The following LRFN1 variants were observed in gnomAD, a reference collection of about 807,000 sequenced individuals.
LRFN1 encodes leucine rich repeat and fibronectin type III domain containing 1, also known as leucine-rich repeat and fibronectin type III domain-containing protein 1.
A neutral mutation model predicts 31.8 loss-of-function variants in LRFN1; 20 were observed. That is an observed-to-expected ratio of 0.63 (90% CI 0.44 to 0.91). The LOEUF is 0.91. Ranked by LOEUF, LRFN1 falls within the 40% of genes least tolerant of loss-of-function variation. The pLI, the probability that LRFN1 is intolerant of heterozygous loss-of-function variation, is 0.00. For synonymous variants in LRFN1, 514 were observed against 541.3 expected (o/e 0.95, Z 0.70); for missense variants, 912 against 1,129.8 (o/e 0.81, Z 2.76).
chr19:39,307,903 C>A lies in LRFN1; in HGVS notation c.2046G>T (p.Ser682=). The change falls in exon 5 of 5, where the codon TCG becomes TCT. Residue 682 remains serine, a synonymous_variant. Transcript: ENST00000248668. The surrounding 1 kb of genome is among the most constrained non-coding windows in gnomAD (Gnocchi z 6.7). ...SRSGALEPPT[S]APPTLALVPG... ...GAACTAGAGCTAGAGTAGGGGGCGCCGAGGTTGGTGGCTCCAGGGCGCCGG... is the reference window on the plus strand; with the variant it reads ...GAACTAGAGCTAGAGTAGGGGGCGCAGAGGTTGGTGGCTCCAGGGCGCCGG... 1 of 1,565,768 alleles carries A rather than the reference C, an allele frequency of 6.4e-7. No homozygotes were observed. Among genetic ancestry groups the A allele is most frequent in the African/African-American group, 1.4e-5 (1 of 72,770 alleles).
At position 39,314,623 on chromosome 19, in the gene LRFN1, C is replaced by G; in HGVS notation, c.714G>C (p.Gly238=). 1 of 1,610,042 alleles carries G rather than the reference C, an allele frequency of 6.2e-7. No individual in the cohort carries two copies. The highest frequency in any genetic ancestry group is 1.1e-5 in the South Asian group (1 of 90,646). Residue 238 remains glycine (G), a synonymous_variant, in exon 4 of 5, where the codon GGG becomes GGC. Coordinates refer to ENST00000248668, the MANE Select transcript of LRFN1 (RefSeq NM_020862.2). ...DGLFLRSQGT[G]PKPPTPLTVS... The stretch of plus-strand genomic sequence containing the variant: ...CGGTCAGCGGGGTGGGCGGCTTGGG[C>G]CCGGTGCCCTGCGACCTCAGGAAGA...
chr19:39,314,872 C>A lies in LRFN1; in HGVS notation c.465G>T (p.Ala155=). Residue 155 remains alanine, a synonymous_variant, in exon 4 of 5, where the codon GCG becomes GCT. Coordinates refer to ENST00000248668, the MANE Select transcript of LRFN1 (RefSeq NM_020862.2). ...GNNQIRRVES[A]AFDAFLSTVE... The stretch of plus-strand genomic sequence containing the variant: ...CGGTGGACAGGAAGGCGTCAAAGGC[C>A]GCCGACTCCACCCGGCGGATCTGGT... The A allele has an allele frequency of 1.9e-6, 3 of 1,610,114 alleles. No homozygotes were observed. The highest frequency in any genetic ancestry group is 2.5e-6 in the Non-Finnish European group (3 of 1,178,290).
Position 39,314,129 on chromosome 19 carries a change from A to C in LRFN1, c.1208T>G (p.Leu403Arg). The C allele has an allele frequency of 6.2e-7, 1 of 1,612,132 alleles. No individual in the cohort carries two copies. Residue 403 changes from leucine (L) to arginine (R), a missense_variant, in exon 4 of 5, where the codon CTC becomes CGC. Coordinates refer to ENST00000248668, the MANE Select transcript of LRFN1 (RefSeq NM_020862.2). ...GATGTCAGAGGAGCCGGGCTCGGTGAGAGGCGGCGGGGCAGCCGGCGGGGG... is the reference window on the plus strand; with the variant it reads ...GATGTCAGAGGAGCCGGGCTCGGTGCGAGGCGGCGGGGCAGCCGGCGGGGG... ...MAPPPAAPPP[L>R]TEPGSSDIAT... is the part of the protein sequence containing the mutation.
Position 39,315,345 on chromosome 19 carries a change from G to T in LRFN1, c.-9C>A. On this transcript the variant is annotated 5_prime_UTR_variant, in exon 4 of 5. Transcript: ENST00000248668. This position sits in a 1 kb window ranked among gnomAD's most constrained non-coding sequence, Gnocchi z 4.7. ...AAGGGTCCTGGAGCCATGGTGCAGT[G>T]GGAAGGCAGGAGGGGTGGGAGGTGA... 6.9e-7 allele frequency: 1 copy of T among 1,447,014 alleles called. No individual in the cohort carries two copies. Among genetic ancestry groups the T allele is most frequent in the East Asian group, 2.5e-5 (1 of 40,366 alleles). The allele number at this position is 1,447,014 out of a possible 1,614,324, so 89.6% of individuals were successfully genotyped here. A position where few individuals can be genotyped will look rare whatever the true frequency, so the allele number is the denominator to read the frequency against.
At position 39,315,732 on chromosome 19, in the gene LRFN1, T is replaced by C. The variant is rs1007081786; in HGVS notation, c.-38+350A>G. On this transcript the variant is annotated intron_variant, in intron 3 of 4. Transcript: ENST00000248668. This position sits in a 1 kb window ranked among gnomAD's most constrained non-coding sequence, Gnocchi z 4.7. ...TACTTGGGAGGCTGAAGCACGAGAA[T>C]CGCTTGAACCAGGGAGGTGGAGGTT... 2.6e-5 allele frequency among the ~76,000 whole-genome samples: 4 copies of C among 152,112 alleles called. No individual in the cohort carries two copies. The highest frequency in any genetic ancestry group is 5.9e-5 in the Non-Finnish European group (4 of 68,028).
In LRFN1 at chr19:39,308,313, C is replaced by T. The variant is rs1451897895; in HGVS notation, c.1636G>A (p.Ala546Thr). The T allele has an allele frequency of 6.2e-7, 1 of 1,613,298 alleles. No homozygotes were observed. Among genetic ancestry groups the T allele is most frequent in the Non-Finnish European group, 8.5e-7 (1 of 1,179,676 alleles). ...MIIAIGGVIV[A>T]SVLVFIVLLM... ...AGAACGATGAAGACGAGGACCGAGG[C>T]GACGATGACGCCCCCGATGGCGATG... is the stretch of plus-strand genomic sequence containing the variant. The change falls in exon 5 of 5, where the codon GCC (alanine) becomes ACC (threonine). Residue 546 changes from alanine (A) to threonine (T), a missense_variant. Physicochemically the swap from Ala to Thr is moderately conservative, Grantham distance 58. Coordinates refer to ENST00000248668, the MANE Select transcript of LRFN1 (RefSeq NM_020862.2). The surrounding 1 kb of genome is among the most constrained non-coding windows in gnomAD (Gnocchi z 6.2).
chr19:39,318,748 C>A (rs572100298), intron 1 of LRFN1, among the ~76,000 whole-genome samples: 1 of 152,310 alleles, frequency 6.6e-6, no homozygotes, highest in Admixed American at 6.5e-5. Flanking sequence ...TGGGGAAGGG[C>A]CAAAGTTTCC....
chr19:39,313,835 C>T (rs1388005779), intron 4 of LRFN1, 96 bp downstream of exon 4: 6 of 1,195,052 alleles, frequency 5.0e-6, no homozygotes, highest in Non-Finnish European at 2.3e-6. Flanking sequence ...CATCTAGAAC[C>T]CTGGCTGAGC....
At position 39,307,375 on chromosome 19, in the gene LRFN1, G is replaced by T; in HGVS notation, c.*258C>A. 1 of 407,820 alleles carries T rather than the reference G, an allele frequency of 2.5e-6. No individual in the cohort carries two copies. Among genetic ancestry groups the T allele is most frequent in the South Asian group, 1.0e-4 (1 of 9,630 alleles). 25.3% of individuals were successfully genotyped at this position (407,820 alleles called of 1,614,324 possible). A position where few individuals can be genotyped will look rare whatever the true frequency, so the allele number is the denominator to read the frequency against. Reference sequence around the variant, plus strand: ...GCTCCAGCGAGGTCCGCGAGCGCGCGAGGGGAGGGGTAGGAGGGGGGTCGA... The same window carrying T: ...GCTCCAGCGAGGTCCGCGAGCGCGCTAGGGGAGGGGTAGGAGGGGGGTCGA... On this transcript the variant is annotated 3_prime_UTR_variant, in exon 5 of 5. Transcript: ENST00000248668. This position sits in a 1 kb window ranked among gnomAD's most constrained non-coding sequence, Gnocchi z 6.7.
Position 39,308,091 on chromosome 19 carries a change from C to T in LRFN1, c.1858G>A (p.Ala620Thr), listed in dbSNP as rs1363116185. 15 of 1,495,790 alleles carry T rather than the reference C, an allele frequency of 1.0e-5. No homozygotes were observed. The highest frequency in any genetic ancestry group is 1.3e-5 in the South Asian group (1 of 74,148). The allele number at this position is 1,495,790 out of a possible 1,614,324, so 92.7% of individuals were successfully genotyped here. A position where few individuals can be genotyped will look rare whatever the true frequency, so the allele number is the denominator to read the frequency against. Residue 620 changes from alanine (A) to threonine (T), a missense_variant, in exon 5 of 5, where the codon GCC (alanine) becomes ACC (threonine). By Grantham distance (58) the Ala-to-Thr change is moderately conservative. Transcript: ENST00000248668. The surrounding 1 kb of genome is among the most constrained non-coding windows in gnomAD (Gnocchi z 6.2). ...GCCTCCATGGCCTTGGCCTCGACGG[C>T]GACGGCGGGGGCAGCCTGGGACTCC... ...EVESQAAPAV[A>T]VEAKAMEAET...
At chr19:39,313,447 C>A (rs2075157890) in intron 4 of LRFN1, among the ~76,000 whole-genome samples, 1 of 152,194 alleles carries the variant, frequency 6.6e-6, no homozygotes, top group African/African-American at 2.4e-5. Context: ...ACGAGATTCG[C>A]TTGAACCCGG....
chr19:39,312,474 T>C (rs2075153981), intron 4 of LRFN1, among the ~76,000 whole-genome samples: 1 of 151,958 alleles, frequency 6.6e-6, no homozygotes, highest in African/African-American at 2.4e-5. Context: ...GTGCCTACTG[T>C]GTGACAATTC....
intron 2 of LRFN1, among the ~76,000 whole-genome samples, chr19:39,317,556 A>ATT (rs2075175759): frequency 6.6e-6 from 1 of 152,120 alleles, no homozygotes; most frequent in Admixed American, 6.6e-5. Flanking sequence ...TAGCAATGGA[A>ATT]ATAGCTAACA....
In LRFN1 at chr19:39,314,935, G is replaced by A. The variant is rs1302074791; in HGVS notation, c.402C>T (p.Arg134=). 7 of 1,604,610 alleles carry A rather than the reference G, an allele frequency of 4.4e-6. No individual in the cohort carries two copies. The highest frequency in any genetic ancestry group is 5.9e-6 in the Non-Finnish European group (7 of 1,177,444). ...RLAEVRGDQL[R]GLGNLRHLIL... Reference sequence around the variant, plus strand: ...TCAGGTGGCGGAGGTTGCCCAGGCCGCGGAGCTGGTCGCCGCGCACCTCCG... The same window carrying A: ...TCAGGTGGCGGAGGTTGCCCAGGCCACGGAGCTGGTCGCCGCGCACCTCCG... The change falls in exon 4 of 5, where the codon CGC becomes CGT. Residue 134 remains arginine (R), a synonymous_variant. Coordinates refer to ENST00000248668, the MANE Select transcript of LRFN1 (RefSeq NM_020862.2).
In LRFN1 at chr19:39,307,642, A is replaced by T. The variant is rs1259849165; in HGVS notation, c.2307T>A (p.Ser769Arg). ...GGCGCCCGCCCGCCGCTCACACGGT[A>T]CTCTCCAGCATCCACTCGGTGCTGG... ...AFTSTEWMLE[S>R]TV The change falls in exon 5 of 5, where the codon AGT (serine) becomes AGA (arginine). Residue 769 changes from serine to arginine, a missense_variant. By Grantham distance (110) the Ser-to-Arg change is moderately radical. This residue lies in a region of LRFN1 where 511 missense variants were observed against 557.0 expected (regional missense o/e 0.92). Transcript: ENST00000248668. The surrounding 1 kb of genome is among the most constrained non-coding windows in gnomAD (Gnocchi z 6.7). The T allele has an allele frequency of 7.0e-7, 1 of 1,433,494 alleles. No homozygotes were observed. 88.8% of individuals were successfully genotyped at this position (1,433,494 alleles called of 1,614,324 possible).
At chr19:39,309,274 G>A (rs2145029510) in intron 4 of LRFN1, among the ~76,000 whole-genome samples, 1 of 152,024 alleles carries the variant, frequency 6.6e-6, no homozygotes, top group South Asian at 2.1e-4. Flanking sequence ...TGGCCAACAT[G>A]GTAACCCTGT....
At position 39,307,473 on chromosome 19, in the gene LRFN1, G is replaced by T; in HGVS notation, c.*160C>A. 1 of 789,212 alleles carries T rather than the reference G, an allele frequency of 1.3e-6. No individual in the cohort carries two copies. Among genetic ancestry groups the T allele is most frequent in the Non-Finnish European group, 1.8e-6 (1 of 570,506 alleles). The allele number at this position is 789,212 out of a possible 1,614,324, so 48.9% of individuals were successfully genotyped here. A position where few individuals can be genotyped will look rare whatever the true frequency, so the allele number is the denominator to read the frequency against. On this transcript the variant is annotated 3_prime_UTR_variant, in exon 5 of 5. Coordinates refer to ENST00000248668, the MANE Select transcript of LRFN1 (RefSeq NM_020862.2). This position sits in a 1 kb window ranked among gnomAD's most constrained non-coding sequence, Gnocchi z 6.7. ...CCTGGGCACGGGGGCGTGGCCTCGA[G>T]CCGCAGCCCGAGGCTGCCCCGCCCC...
chr19:39,307,867 G>T lies in LRFN1; in HGVS notation c.2082C>A (p.Ala694=). The change falls in exon 5 of 5, where the codon GCC becomes GCA. Residue 694 remains alanine (A), a synonymous_variant. Transcript: ENST00000248668. This position sits in a 1 kb window ranked among gnomAD's most constrained non-coding sequence, Gnocchi z 6.7. The part of the protein sequence containing the change: ...PPTLALVPGG[A]AARPRPQQRY... ...GCTGCTGCGGCCTCGGCCGGGCCGC[G>T]GCTCCCCCAGGAACTAGAGCTAGAG... is the stretch of plus-strand genomic sequence containing the variant. The T allele has an allele frequency of 1.3e-6, 2 of 1,525,424 alleles. No individual in the cohort carries two copies. Among genetic ancestry groups the T allele is most frequent in the African/African-American group, 1.4e-5 (1 of 70,000 alleles). 94.5% of individuals were successfully genotyped at this position (1,525,424 alleles called of 1,614,324 possible).
chr19:39,306,955 G>C lies in LRFN1; in HGVS notation c.*678C>G, dbSNP rs2145025606. 1 of 204,418 alleles carries C rather than the reference G, an allele frequency of 4.9e-6. No homozygotes were observed. Among genetic ancestry groups the C allele is most frequent in the East Asian group, 1.1e-4 (1 of 9,030 alleles). The allele number at this position is 204,418 out of a possible 1,614,324, so 12.7% of individuals were successfully genotyped here. A position where few individuals can be genotyped will look rare whatever the true frequency, so the allele number is the denominator to read the frequency against. The stretch of plus-strand genomic sequence containing the variant: ...TCCTTCCAGTGGGACCTGCCCGGGA[G>C]AATGAGTAAAGAGAAGAAATCAGGA... On this transcript the variant is annotated 3_prime_UTR_variant, in exon 5 of 5. Transcript: ENST00000248668.
Sources: gnomAD v4.1 joint callset for allele counts (sites outside exome capture counted in the v4.1 genomes callset) on GRCh38, gnomAD v4.1.1 for gene constraint, gnomAD v4.1.1 regional missense constraint, Gnocchi (gnomAD v3.1) non-coding constraint, MANE v1.5 for transcripts, NCBI Gene and HGNC (gene_info 2026-07-23, HGNC 2026-07-21) for gene names.